Variants in PCSK2 observed in about 807,000 individuals in gnomAD.
PCSK2 encodes the protein proprotein convertase subtilisin/kexin type 2.
Under a neutral mutation model 69.7 loss-of-function variants are expected in PCSK2, and 14 were observed. That is an observed-to-expected ratio of 0.20 (90% CI 0.13 to 0.31). PCSK2 has a LOEUF of 0.31. PCSK2 is among the 10% of genes least tolerant of loss of function. PCSK2 has a pLI of 1.00. For missense variants in PCSK2, 544 were observed against 842.5 expected (o/e 0.65, Z 4.39); for synonymous variants, 307 against 320.7 (o/e 0.96, Z 0.46).
At chr20:17,381,930 C>T (rs1339904433) in intron 5 of PCSK2, among the ~76,000 whole-genome samples, 1 of 152,182 alleles carries the variant, frequency 6.6e-6, no homozygotes, top group Non-Finnish European at 1.5e-5. Context: ...TGCAGGAATT[C>T]TTACCAGGCA....
chr20:17,311,842 T>C (rs2123113261), intron 2 of PCSK2, among the ~76,000 whole-genome samples: 2 of 152,090 alleles, frequency 1.3e-5, no homozygotes, highest in Non-Finnish European at 2.9e-5. Context: ...AGGGAATAAT[T>C]CTCTTTCCCT....
chr20:17,263,196 AATG>A, intron 2 of PCSK2: 2 of 909,398 alleles, frequency 2.2e-6, no homozygotes, highest in Non-Finnish European at 2.6e-6. Context: ...CAGAAATTTC[AATG>A]ATGTTTGCCT....
At chr20:17,324,715 C>T (rs1029149374) in intron 2 of PCSK2, among the ~76,000 whole-genome samples, 10 of 152,104 alleles carry the variant, frequency 6.6e-5, no homozygotes, top group African/African-American at 2.2e-4. Flanking sequence ...CTGGCCCTCC[C>T]GAAAGACTTA....
intron 3 of PCSK2, among the ~76,000 whole-genome samples, chr20:17,359,885 C>G (rs1439575299): frequency 1.3e-5 from 2 of 152,134 alleles, no homozygotes; most frequent in Non-Finnish European, 2.9e-5. Context: ...TGGAATTGCT[C>G]TTTGTTTTCC....
At chr20:17,241,072 G>A (rs1250432944) in intron 1 of PCSK2, among the ~76,000 whole-genome samples, 56 of 152,184 alleles carry the variant, frequency 3.7e-4, no homozygotes, top group Admixed American at 3.7e-3. Flanking sequence ...AGTGCTCCAT[G>A]TAAACAAGTC....
chr20:17,226,529 G>GAAAA (rs1985908193), upstream of PCSK2: 1 of 118,976 alleles, frequency 8.4e-6, no homozygotes, highest in Non-Finnish European at 1.7e-5. Context: ...TTGAGAGAGA[G>GAAAA]AGAAAGAGAG....
rs368209705 is a variant in PCSK2 at position 17,443,414 on chromosome 20, AT to A, written c.885+6532del. ...AGAAGCATTTAGGATGAAATTTTTG[AT>A]GCACAGACAGCCTGTTTCCTTATTG... On this transcript the variant is annotated intron_variant, in intron 8 of 11. Transcript: ENST00000262545. Among the ~76,000 whole-genome samples the A allele has an allele frequency of 7.5e-3, 1,147 of 152,258 alleles. 13 individuals are homozygous for A. The highest frequency in any genetic ancestry group is 0.028 in the South Asian group (133 of 4,814).
chr20:17,377,198 G>A (rs1389552957), intron 5 of PCSK2, among the ~76,000 whole-genome samples: 2 of 152,212 alleles, frequency 1.3e-5, no homozygotes, highest in Admixed American at 6.5e-5. Flanking sequence ...TTCCTAGATA[G>A]GAGAGGACAA....
chr20:17,460,873 G>T (rs1362565869), intron 10 of PCSK2, among the ~76,000 whole-genome samples: 1 of 152,132 alleles, frequency 6.6e-6, no homozygotes, highest in African/African-American at 2.4e-5. Flanking sequence ...ACTGTGCTAG[G>T]TACTTTACAT....
chr20:17,279,033 T>C (rs1004733878), intron 2 of PCSK2, among the ~76,000 whole-genome samples: 6 of 152,112 alleles, frequency 3.9e-5, no homozygotes, highest in African/African-American at 9.7e-5. Context: ...AGTGGTTGCT[T>C]TCTGGACCAG....
At chr20:17,416,578 T>G (rs778036349) in intron 6 of PCSK2, among the ~76,000 whole-genome samples, 11 of 149,382 alleles carry the variant, frequency 7.4e-5, no homozygotes, top group Non-Finnish European at 1.5e-4. Flanking sequence ...TTGGTGGGAG[T>G]GTAAATTGGT....
At chr20:17,293,219 T>C (rs1988756588) in intron 2 of PCSK2, among the ~76,000 whole-genome samples, 1 of 152,212 alleles carries the variant, frequency 6.6e-6, no homozygotes, top group Non-Finnish European at 1.5e-5. Flanking sequence ...CTCTTATTAA[T>C]TAAGGCACCT....
chr20:17,436,733 C>T lies in PCSK2; in HGVS notation c.735C>T (p.Phe245=). 6.2e-7 allele frequency: 1 copy of T among 1,613,700 alleles called. No individual in the cohort carries two copies. The highest frequency in any genetic ancestry group is 1.3e-5 in the African/African-American group (1 of 75,066). ...GCATCCGGATGCTGGACCAGCCATT[C>T]ATGACAGACATCATCGAGGCCTCCT... ...VAGIRMLDQP[F]MTDIIEASSI... Residue 245 remains phenylalanine (F), a synonymous_variant, in exon 8 of 12, where the codon TTC becomes TTT. Coordinates refer to ENST00000262545, the MANE Select transcript of PCSK2 (RefSeq NM_002594.5).
At chr20:17,390,283 G>A (rs1409232119) in intron 5 of PCSK2, among the ~76,000 whole-genome samples, 1 of 152,214 alleles carries the variant, frequency 6.6e-6, no homozygotes, top group African/African-American at 2.4e-5. Flanking sequence ...CATATGGTGA[G>A]ACAACTCCTC....
intron 6 of PCSK2, 103 bp downstream of exon 6, chr20:17,409,442 C>T (rs2123303173): frequency 1.3e-6 from 1 of 771,970 alleles, no homozygotes; most frequent in East Asian, 2.5e-5. Flanking sequence ...AATCCCCATG[C>T]TTCATTAAAT....
At chr20:17,414,474 G>A (rs1288358296) in intron 6 of PCSK2, among the ~76,000 whole-genome samples, 2 of 152,134 alleles carry the variant, frequency 1.3e-5, no homozygotes, top group African/African-American at 2.4e-5. Flanking sequence ...ACCCTCCCAA[G>A]ACTAAACCAG....
In PCSK2 at chr20:17,303,985, C is replaced by A. The variant is rs531387559; in HGVS notation, c.282+43641C>A. ...CATAATATATAAATATATATTATAA[C>A]CATATATAGCTATTACATAGCTATA... On this transcript the variant is annotated intron_variant, in intron 2 of 11. Coordinates refer to ENST00000262545, the MANE Select transcript of PCSK2 (RefSeq NM_002594.5). 4.0e-5 allele frequency among the ~76,000 whole-genome samples: 6 copies of A among 149,232 alleles called. No individual in the cohort carries two copies. The South Asian group carries it at 1.3e-3, about 31-fold the overall frequency.
chr20:17,327,487 G>A (rs1279731656), intron 2 of PCSK2, among the ~76,000 whole-genome samples: 1 of 152,140 alleles, frequency 6.6e-6, no homozygotes. Context: ...TTAGCAAAAT[G>A]CTAGGTCCTG....
chr20:17,311,926 GTA>G (rs995531755), intron 2 of PCSK2, among the ~76,000 whole-genome samples: 20 of 152,154 alleles, frequency 1.3e-4, no homozygotes, highest in African/African-American at 4.8e-4. Flanking sequence ...TGTAGGGATA[GTA>G]TTTCTCTCTC....
Sources: allele counts gnomAD v4.1 joint callset (sites outside exome capture counted in the v4.1 genomes callset), GRCh38; gene constraint gnomAD v4.1.1; transcripts MANE v1.5; gene names NCBI Gene and HGNC (gene_info 2026-07-23, HGNC 2026-07-21).